Variants in RBFOX1 observed in about 807,000 individuals in gnomAD.
The protein encoded by RBFOX1 is RNA binding protein fox-1 homolog 1.
RBFOX1 carries 8 observed loss-of-function variants against 57.7 expected under a neutral mutation model. The ratio of observed to expected loss-of-function variants is 0.14; its 90% CI spans 0.08 to 0.25. RBFOX1 has a LOEUF of 0.25. Among genes scored for constraint, RBFOX1 ranks in the 10% least tolerant of loss-of-function variants. RBFOX1 has a pLI of 1.00. For synonymous variants in RBFOX1, 326 were observed against 222.4 expected (o/e 1.47, Z -4.15); for missense variants, 611 against 548.5 (o/e 1.11, Z -1.14).
At chr16:5,821,216 C>T (rs2055841531) in intron 3 of RBFOX1, among the ~76,000 whole-genome samples, 1 of 152,034 alleles carries the variant, frequency 6.6e-6, no homozygotes, top group Admixed American at 6.6e-5. Context: ...GATGCTGAAG[C>T]CTAAGACTAC....
At chr16:6,382,109 C>G (rs994542889) in intron 2 of RBFOX1, among the ~76,000 whole-genome samples, 1 of 152,086 alleles carries the variant, frequency 6.6e-6, no homozygotes, top group African/African-American at 2.4e-5. Flanking sequence ...TCCAATAATA[C>G]TTTATTTATG....
intron 4 of RBFOX1, among the ~76,000 whole-genome samples, chr16:7,151,568 G>A (rs148647382): frequency 6.6e-6 from 1 of 152,104 alleles, no homozygotes; most frequent in Non-Finnish European, 1.5e-5. Flanking sequence ...CTGGTTTCAT[G>A]GAAGACAATT....
chr16:6,146,914 C>T (rs865973856), intron 1 of RBFOX1, among the ~76,000 whole-genome samples: 1 of 152,144 alleles, frequency 6.6e-6, no homozygotes, highest in Non-Finnish European at 1.5e-5. Context: ...GATTCTGAAG[C>T]ATGGCATCAC....
At chr16:7,080,974 C>G (rs1342678220) in intron 4 of RBFOX1, among the ~76,000 whole-genome samples, 1 of 152,210 alleles carries the variant, frequency 6.6e-6, no homozygotes, top group African/African-American at 2.4e-5. Flanking sequence ...TCTGCATGAA[C>G]TGGTCTTTAC....
At chr16:5,868,599 A>G (rs1354814232) in intron 4 of RBFOX1, among the ~76,000 whole-genome samples, 1 of 152,194 alleles carries the variant, frequency 6.6e-6, no homozygotes, top group East Asian at 1.9e-4. Flanking sequence ...CGGATACAGT[A>G]ACTTGGTGTG....
chr16:6,539,381 C>G (rs149297473), intron 2 of RBFOX1, among the ~76,000 whole-genome samples: 34 of 152,276 alleles, frequency 2.2e-4, no homozygotes, highest in Middle Eastern at 3.4e-3. Flanking sequence ...AGCGTAGCAT[C>G]TGGCACACAG....
intron 2 of RBFOX1, among the ~76,000 whole-genome samples, chr16:6,544,183 G>C (rs902028343): frequency 2.6e-5 from 4 of 152,162 alleles, no homozygotes; most frequent in African/African-American, 9.7e-5. Context: ...AGGGGCAACA[G>C]GCCCTGTTGA....
intron 4 of RBFOX1, among the ~76,000 whole-genome samples, chr16:7,058,653 A>C (rs922104896): frequency 6.6e-6 from 1 of 152,220 alleles, no homozygotes; most frequent in African/African-American, 2.4e-5. Flanking sequence ...TAATTAATGC[A>C]TATGAGGTTG....
chr16:7,318,719 T>C (rs2096490041), intron 4 of RBFOX1, among the ~76,000 whole-genome samples: 2 of 152,192 alleles, frequency 1.3e-5, no homozygotes, highest in Admixed American at 1.3e-4. Flanking sequence ...TCTGCTATAT[T>C]CTTGATTTTG....
intron 4 of RBFOX1, among the ~76,000 whole-genome samples, chr16:7,192,011 G>A (rs1048459191): frequency 1.8e-4 from 27 of 152,132 alleles, no homozygotes; most frequent in Admixed American, 1.1e-3. Flanking sequence ...GTTCAACATC[G>A]TTTAACATTT....
intron 3 of RBFOX1, among the ~76,000 whole-genome samples, chr16:6,915,007 G>A (rs1037127894): frequency 1.3e-5 from 2 of 152,236 alleles, no homozygotes; most frequent in South Asian, 2.1e-4. Flanking sequence ...CAGCAAGCAG[G>A]CCCAGGGTGG....
chr16:5,273,372 A>C (rs1347530705), intron 1 of RBFOX1, among the ~76,000 whole-genome samples: 1 of 152,066 alleles, frequency 6.6e-6, no homozygotes. Context: ...CAGGCATTGG[A>C]GATAATATAA....
At chr16:6,567,052 G>T (rs1055164398) in intron 2 of RBFOX1, among the ~76,000 whole-genome samples, 1 of 152,168 alleles carries the variant, frequency 6.6e-6, no homozygotes, top group Admixed American at 6.5e-5. Context: ...TTAATGGTCA[G>T]ACTCTTCCAT....
At chr16:6,542,225 C>T (rs1205946745) in intron 2 of RBFOX1, among the ~76,000 whole-genome samples, 1 of 152,044 alleles carries the variant, frequency 6.6e-6, no homozygotes, top group African/African-American at 2.4e-5. Context: ...TTTGCCCCAC[C>T]AACATCTATT....
chr16:7,283,299 G>T (rs11859923), intron 4 of RBFOX1, among the ~76,000 whole-genome samples: 2 of 151,400 alleles, frequency 1.3e-5, no homozygotes, highest in South Asian at 4.2e-4. Flanking sequence ...CTTCCTCCCT[G>T]GTCCCCCAAT....
chr16:7,662,202 G>C (rs1364346247), intron 12 of RBFOX1, among the ~76,000 whole-genome samples: 1 of 152,162 alleles, frequency 6.6e-6, no homozygotes, highest in Non-Finnish European at 1.5e-5. Flanking sequence ...CCACCATTGA[G>C]ATCTTTAGAA....
chr16:6,138,668 C>T (rs2096687271), intron 1 of RBFOX1, among the ~76,000 whole-genome samples: 1 of 152,154 alleles, frequency 6.6e-6, no homozygotes, highest in Non-Finnish European at 1.5e-5. Flanking sequence ...GAGATCGACA[C>T]CATCCTGGCT....
chr16:6,285,333 T>A (rs1442305395), intron 1 of RBFOX1, among the ~76,000 whole-genome samples: 1 of 152,166 alleles, frequency 6.6e-6, no homozygotes, highest in Non-Finnish European at 1.5e-5. Flanking sequence ...AGACTATATC[T>A]GGAAGTATGA....
At chr16:6,215,083 GAGA>G (rs1293338313) in intron 1 of RBFOX1, among the ~76,000 whole-genome samples, 5 of 132,566 alleles carry the variant, frequency 3.8e-5, no homozygotes, top group Admixed American at 3.0e-4. Context: ...GATGGGGAGA[GAGA>G]AGGAGAGGAG....
Sources: gnomAD v4.1 joint callset for allele counts (sites outside exome capture counted in the v4.1 genomes callset) on GRCh38, gnomAD v4.1.1 for gene constraint, MANE v1.5 for transcripts, NCBI Gene and HGNC (gene_info 2026-07-23, HGNC 2026-07-21) for gene names.